The following TBCK variants were observed in gnomAD, a reference collection of about 807,000 sequenced individuals.
TBCK encodes the protein TBC domain-containing protein kinase-like protein.
TBCK carries 99 observed loss-of-function variants against 113.4 expected under a neutral mutation model. The observed-to-expected ratio is 0.87, with a 90% CI of 0.74 to 1.03. The LOEUF (loss-of-function observed/expected upper bound fraction) is 1.03. Ranked by LOEUF, TBCK falls within the 50% of genes least tolerant of loss-of-function variation. The pLI, the probability that TBCK is intolerant of heterozygous loss-of-function variation, is 0.00. For synonymous variants in TBCK, 369 were observed against 370.8 expected, an observed-to-expected ratio of 1.00 and a Z score of 0.05; for missense variants, 1,045 against 1,061.3, an observed-to-expected ratio of 0.98 and a Z score of 0.21.
In TBCK at chr4:106,157,753, C is replaced by A. The variant is rs1749300088; in HGVS notation, c.2235+13342G>T. ...AGTGACATGAAGTTAAAACCAGGTA[C>A]TGTGAGTGCTCATCTAGTTTTTGGT... On this transcript the variant is annotated intron_variant, in intron 23 of 25. Transcript: ENST00000394708. Among the ~76,000 whole-genome samples, 3 of 152,122 alleles carry A rather than the reference C, an allele frequency of 2.0e-5. No individual in the cohort carries two copies. In the South Asian group the frequency reaches 6.2e-4, roughly 32 times the overall value.
intron 19 of TBCK, among the ~76,000 whole-genome samples, chr4:106,214,575 C>T (rs1166696670): frequency 2.0e-5 from 3 of 151,920 alleles, no homozygotes; most frequent in Non-Finnish European, 2.9e-5. Flanking sequence ...AATGCAGAAG[C>T]GTCAGGAGCC....
At chr4:106,210,791 T>C (rs958601492) in intron 20 of TBCK, among the ~76,000 whole-genome samples, 3 of 152,168 alleles carry the variant, frequency 2.0e-5, no homozygotes, top group South Asian at 2.1e-4. Flanking sequence ...TGTATTCACA[T>C]TAATTATGTT....
At chr4:106,120,590 T>C (rs1578959589) in intron 23 of TBCK, among the ~76,000 whole-genome samples, 1 of 152,188 alleles carries the variant, frequency 6.6e-6, no homozygotes, top group African/African-American at 2.4e-5. Context: ...AAGAGAGCAG[T>C]GGTTCTCTCA....
chr4:106,232,373 T>C (rs943921530), intron 17 of TBCK, among the ~76,000 whole-genome samples: 1 of 151,650 alleles, frequency 6.6e-6, no homozygotes, highest in Non-Finnish European at 1.5e-5. Context: ...TGGTAAGAAA[T>C]AGAGAACTGA....
In TBCK at chr4:106,235,283, G is replaced by A. The variant is rs771482119; in HGVS notation, c.1435C>T (p.Leu479Phe). 14 of 1,603,286 alleles carry A rather than the reference G, an allele frequency of 8.7e-6. No individual in the cohort carries two copies. The highest frequency in any genetic ancestry group is 1.3e-5 in the African/African-American group (1 of 74,270). The change falls in exon 15 of 26, where the codon CTT (leucine) becomes TTT (phenylalanine). Residue 479 changes from leucine (L) to phenylalanine (F), a missense_variant. Leu to Phe is a conservative substitution (Grantham distance 22). Transcript: ENST00000394708. Reference protein sequence around the residue: ...PLMRGLTWAALLGVEGAIHAK... With the variant: ...PLMRGLTWAAFLGVEGAIHAK... Reference sequence around the variant, plus strand: ...TTTTTCCTTACCTCAACTCCCAGAAGAGCAGCCCAGGTTAAACCTCTCATA... The same window carrying A: ...TTTTTCCTTACCTCAACTCCCAGAAAAGCAGCCCAGGTTAAACCTCTCATA...
chr4:106,124,243 T>C (rs1367645460), intron 23 of TBCK, among the ~76,000 whole-genome samples: 1 of 152,162 alleles, frequency 6.6e-6, no homozygotes, highest in Non-Finnish European at 1.5e-5. Context: ...AAAAAACACA[T>C]GAAAAATTGC....
At chr4:106,196,032 T>C (rs1754195848) in intron 20 of TBCK, among the ~76,000 whole-genome samples, 1 of 152,072 alleles carries the variant, frequency 6.6e-6, no homozygotes, top group Admixed American at 6.6e-5. Flanking sequence ...ATAAAAGGTA[T>C]TATGAAGCAT....
At chr4:106,272,786 CGCCTG>C (rs1173098419) in intron 3 of TBCK, among the ~76,000 whole-genome samples, 2 of 152,108 alleles carry the variant, frequency 1.3e-5, no homozygotes, top group Non-Finnish European at 2.9e-5. Flanking sequence ...AGAGTCACCT[CGCCTG>C]GCCTCTTTAA....
At chr4:106,313,829 G>C (rs1768451380) in intron 1 of TBCK, among the ~76,000 whole-genome samples, 1 of 152,172 alleles carries the variant, frequency 6.6e-6, no homozygotes, top group African/African-American at 2.4e-5. Flanking sequence ...AAGCAGAAAG[G>C]CAATTAAGAA....
intron 22 of TBCK, among the ~76,000 whole-genome samples, chr4:106,184,936 G>T (rs1381451394): frequency 6.6e-6 from 1 of 152,000 alleles, no homozygotes; most frequent in Non-Finnish European, 1.5e-5. Context: ...TAGATACTTT[G>T]ATGCAAAGTA....
intron 20 of TBCK, among the ~76,000 whole-genome samples, chr4:106,206,415 G>A (rs997688296): frequency 6.6e-6 from 1 of 152,102 alleles, no homozygotes; most frequent in African/African-American, 2.4e-5. Flanking sequence ...GCTTCACTAC[G>A]AGAGAGAGAC....
chr4:106,183,705 G>C (rs576014431), intron 22 of TBCK, among the ~76,000 whole-genome samples: 3 of 151,996 alleles, frequency 2.0e-5, no homozygotes, highest in Non-Finnish European at 4.4e-5. Context: ...AAACACTAAA[G>C]AAAGTTGGTG....
chr4:106,120,332 C>T (rs1238241224), intron 23 of TBCK, among the ~76,000 whole-genome samples: 2 of 152,100 alleles, frequency 1.3e-5, no homozygotes, highest in African/African-American at 4.8e-5. Context: ...CAGAGTCTCG[C>T]TGATTGCTAG....
chr4:106,283,099 ATTTG>A (rs1448744134), intron 3 of TBCK, among the ~76,000 whole-genome samples: 2 of 152,094 alleles, frequency 1.3e-5, no homozygotes, highest in African/African-American at 2.4e-5. Flanking sequence ...ACCAAAATTC[ATTTG>A]TTTGAGAAAT....
intron 24 of TBCK, among the ~76,000 whole-genome samples, chr4:106,112,239 C>T (rs1034000664): frequency 1.3e-5 from 2 of 152,112 alleles, no homozygotes; most frequent in African/African-American, 2.4e-5. Context: ...ATCAGGATTC[C>T]TTTAAGTAAA....
chr4:106,189,443 A>G (rs1753415002), intron 22 of TBCK, among the ~76,000 whole-genome samples: 1 of 152,130 alleles, frequency 6.6e-6, no homozygotes, highest in Admixed American at 6.6e-5. Flanking sequence ...CTTCAGGTAA[A>G]GTGGCATCAA....
intron 23 of TBCK, among the ~76,000 whole-genome samples, chr4:106,150,833 T>C (rs1001320053): frequency 3.9e-5 from 6 of 152,050 alleles, no homozygotes; most frequent in African/African-American, 7.2e-5. Context: ...TTTGTTGAAA[T>C]GAGAGTTAAC....
intron 3 of TBCK, among the ~76,000 whole-genome samples, chr4:106,277,054 T>C (rs927407183): frequency 6.6e-6 from 1 of 152,098 alleles, no homozygotes; most frequent in Non-Finnish European, 1.5e-5. Flanking sequence ...CAAATACATA[T>C]GTGATGATAT....
chr4:106,139,938 T>C (rs1297251799), intron 23 of TBCK, among the ~76,000 whole-genome samples: 1 of 141,020 alleles, frequency 7.1e-6, no homozygotes, highest in East Asian at 2.0e-4. Flanking sequence ...TATAACAAAT[T>C]ATTTTATGTA....
Sources: allele counts gnomAD v4.1 joint callset (sites outside exome capture counted in the v4.1 genomes callset), GRCh38; gene constraint gnomAD v4.1.1; transcripts MANE v1.5; gene names NCBI Gene and HGNC (gene_info 2026-07-23, HGNC 2026-07-21).